The following SHANK2 variants were observed in gnomAD, a reference collection of about 807,000 sequenced individuals.
SHANK2 encodes the protein SH3 and multiple ankyrin repeat domains protein 2.
SHANK2 carries 43 observed loss-of-function variants against 133.7 expected under a neutral mutation model. The ratio of observed to expected loss-of-function variants is 0.32; its 90% CI spans 0.25 to 0.41. The LOEUF is 0.41. SHANK2 is among the 10% of genes least tolerant of loss of function. The pLI is 1.00. For missense variants in SHANK2, 1,994 were observed against 2,235.8 expected (o/e 0.89, Z 2.18); for synonymous variants, 1,017 against 952.8 (o/e 1.07, Z -1.24).
chr11:70,788,342 C>A (rs1428990944), intron 14 of SHANK2, among the ~76,000 whole-genome samples: 1 of 152,238 alleles, frequency 6.6e-6, no homozygotes, highest in Non-Finnish European at 1.5e-5. Flanking sequence ...GTTTTAATCA[C>A]CCACGGTCAA....
intron 15 of SHANK2, among the ~76,000 whole-genome samples, chr11:70,662,555 G>A (rs898906287): frequency 6.6e-6 from 1 of 152,226 alleles, no homozygotes; most frequent in Non-Finnish European, 1.5e-5. Flanking sequence ...AGGACATTTC[G>A]GTGTTAAAGC....
intron 3 of SHANK2, among the ~76,000 whole-genome samples, chr11:71,127,965 C>T (rs1306030022): frequency 3.3e-5 from 5 of 152,198 alleles, no homozygotes; most frequent in African/African-American, 9.7e-5. Context: ...ATCCTCTCCG[C>T]GTCTGCCGGC....
chr11:71,204,301 C>A (rs1239527202), intron 2 of SHANK2, among the ~76,000 whole-genome samples: 1 of 152,244 alleles, frequency 6.6e-6, no homozygotes, highest in Non-Finnish European at 1.5e-5. Context: ...ACTGCGGCAC[C>A]AGGCCCCCGG....
chr11:71,083,983 G>GT lies in SHANK2; in HGVS notation c.912+8438_912+8439insA, dbSNP rs1216153003. On this transcript the variant is annotated intron_variant, in intron 8 of 25. Coordinates refer to ENST00000601538, the MANE Select transcript of SHANK2 (RefSeq NM_012309.5). ...ATTTGAATAACAACTTTTTTTTGGG[G>GT]GGGGGAGACAGAGTCTTGCTCTGTC... 1.1e-3 allele frequency among the ~76,000 whole-genome samples: 167 copies of GT among 150,210 alleles called. 3 individuals carry two copies. The highest frequency in any genetic ancestry group is 3.5e-3 in the Admixed American group (53 of 15,066).
At chr11:71,123,702 A>G (rs1952119394) in intron 3 of SHANK2, among the ~76,000 whole-genome samples, 2 of 152,120 alleles carry the variant, frequency 1.3e-5, no homozygotes, top group African/African-American at 4.8e-5. Flanking sequence ...ATTCCTTTAT[A>G]ATTTGTTAGA....
At chr11:70,704,885 T>G (rs1043009608) in intron 14 of SHANK2, among the ~76,000 whole-genome samples, 35 of 152,146 alleles carry the variant, frequency 2.3e-4, no homozygotes, top group Admixed American at 1.2e-3. Context: ...TGTGGTTGAG[T>G]AGGCCCTTGA....
chr11:70,728,925 C>T (rs529080977), intron 14 of SHANK2, among the ~76,000 whole-genome samples: 5 of 152,240 alleles, frequency 3.3e-5, no homozygotes, highest in African/African-American at 1.2e-4. Flanking sequence ...GAATGAAGGG[C>T]CGGGCGTGGT....
At chr11:71,223,853 T>C (rs900090863) in intron 2 of SHANK2, among the ~76,000 whole-genome samples, 3 of 152,170 alleles carry the variant, frequency 2.0e-5, no homozygotes, top group African/African-American at 4.8e-5. Flanking sequence ...ACCACTCATC[T>C]GTCTGCAGCC....
At position 70,469,763 on chromosome 11, in the gene SHANK2, C is replaced by CTAAAG. The variant is rs2058575548; in HGVS notation, c.*3101_*3105dup. 2 of 152,682 alleles carry CTAAAG rather than the reference C, an allele frequency of 1.3e-5. No homozygotes were observed. Among genetic ancestry groups the CTAAAG allele is most frequent in the South Asian group, 4.1e-4 (2 of 4,828 alleles). The allele number at this position is 152,682 out of a possible 1,614,324, so 9.5% of individuals were successfully genotyped here. On this transcript the variant is annotated 3_prime_UTR_variant, in exon 26 of 26. Transcript: ENST00000601538. ...AGAAAAAAATTTACCATTTTATTAA[C>CTAAAG]TAAAGTATCACAAATAATTCACTTT...
At chr11:70,588,072 G>T (rs1337531305) in intron 17 of SHANK2, among the ~76,000 whole-genome samples, 11 of 152,146 alleles carry the variant, frequency 7.2e-5, no homozygotes, top group Admixed American at 6.6e-4. Flanking sequence ...ATAAGACAGA[G>T]AAATTAACTG....
chr11:71,087,335 G>T (rs1311264124), intron 8 of SHANK2, among the ~76,000 whole-genome samples: 1 of 152,124 alleles, frequency 6.6e-6, no homozygotes, highest in African/African-American at 2.4e-5. Context: ...GCAGGAAAAA[G>T]GAAAAAGGAG....
intron 11 of SHANK2, among the ~76,000 whole-genome samples, chr11:70,859,472 T>C (rs1206414765): frequency 4.0e-5 from 6 of 150,818 alleles, no homozygotes; most frequent in Admixed American, 4.0e-4. Context: ...ATGGATGAAG[T>C]GGGTAGGCAG....
chr11:70,571,934 T>C (rs1262139613), intron 17 of SHANK2, among the ~76,000 whole-genome samples: 1 of 152,120 alleles, frequency 6.6e-6, no homozygotes, highest in African/African-American at 2.4e-5. Context: ...TAACCTCCAA[T>C]GGCATGGTGT....
intron 17 of SHANK2, among the ~76,000 whole-genome samples, chr11:70,530,165 TGATG>T: frequency 6.6e-6 from 1 of 152,336 alleles, no homozygotes. Flanking sequence ...AAATGTCCCC[TGATG>T]GATGAGTGGA....
intron 10 of SHANK2, among the ~76,000 whole-genome samples, chr11:70,921,651 T>C (rs1950353970): frequency 6.6e-6 from 1 of 152,174 alleles, no homozygotes; most frequent in African/African-American, 2.4e-5. Context: ...CACGAGGCTC[T>C]CACTTGAAAG....
chr11:70,786,034 C>T (rs767267549), intron 14 of SHANK2, among the ~76,000 whole-genome samples: 1 of 152,090 alleles, frequency 6.6e-6, no homozygotes, highest in Non-Finnish European at 1.5e-5. Flanking sequence ...GTAGAGGTTC[C>T]CACACTGCAG....
chr11:70,497,052 G>A (rs1555157307), intron 21 of SHANK2: 1 of 456,592 alleles, frequency 2.2e-6, no homozygotes, highest in Admixed American at 2.3e-5. Context: ...AGAGCAGCCG[G>A]GCGTGTTGGG....
intron 17 of SHANK2, 42 bp downstream of exon 17, chr11:70,659,786 C>A: frequency 6.2e-7 from 1 of 1,613,186 alleles, no homozygotes; most frequent in Non-Finnish European, 8.5e-7. Flanking sequence ...CGAGAGTCGG[C>A]GCTCTCCCCA....
At chr11:70,766,428 G>A (rs1406702381) in intron 14 of SHANK2, among the ~76,000 whole-genome samples, 8 of 152,218 alleles carry the variant, frequency 5.3e-5, no homozygotes, top group Admixed American at 3.9e-4. Flanking sequence ...AATCTGGCTG[G>A]GAGGAAGGAG....
Sources: gnomAD v4.1 joint callset for allele counts (sites outside exome capture counted in the v4.1 genomes callset) on GRCh38, gnomAD v4.1.1 for gene constraint, MANE v1.5 for transcripts, NCBI Gene and HGNC (gene_info 2026-07-23, HGNC 2026-07-21) for gene names.